KHDRBS2: variants seen among roughly 807,000 people sequenced by gnomAD.
KHDRBS2 encodes KH RNA binding domain containing, signal transduction associated 2.
Under a neutral mutation model 44.3 loss-of-function variants are expected in KHDRBS2, and 26 were observed. The observed-to-expected ratio is 0.59, with a 90% CI of 0.43 to 0.81. The LOEUF (loss-of-function observed/expected upper bound fraction) is 0.81. KHDRBS2 is among the 40% of genes least tolerant of loss of function. The probability of loss-of-function intolerance (pLI) is 0.00; values close to 1 mark genes in which losing one functional copy is unlikely to be tolerated. For missense variants in KHDRBS2, 476 were observed against 433.1 expected (o/e 1.10, Z -0.88); for synonymous variants, 194 against 151.1 (o/e 1.28, Z -2.08).
At chr6:61,682,373 T>G (rs1210294630) in intron 8 of KHDRBS2, among the ~76,000 whole-genome samples, 2 of 151,858 alleles carry the variant, frequency 1.3e-5, no homozygotes, top group Non-Finnish European at 2.9e-5. Flanking sequence ...TTATATCTCT[T>G]TCACTGTTTA....
chr6:61,629,708 A>G, the KHDRBS2 span, among the ~76,000 whole-genome samples: 1 of 152,186 alleles, frequency 6.6e-6, no homozygotes, highest in African/African-American at 2.4e-5. Flanking sequence ...TAATAATACT[A>G]TTGAAAAACT....
At chr6:62,174,008 A>G (rs918675333) in intron 2 of KHDRBS2, among the ~76,000 whole-genome samples, 3 of 151,904 alleles carry the variant, frequency 2.0e-5, no homozygotes, top group Non-Finnish European at 4.4e-5. Context: ...ACAGACAGTG[A>G]CACCCTCTCT....
At chr6:62,013,543 G>A (rs1780679807) in intron 3 of KHDRBS2, among the ~76,000 whole-genome samples, 1 of 151,706 alleles carries the variant, frequency 6.6e-6, no homozygotes, top group Non-Finnish European at 1.5e-5. Flanking sequence ...AATGTGTTTA[G>A]TACAATGTAA....
intron 6 of KHDRBS2, among the ~76,000 whole-genome samples, chr6:61,791,459 A>G (rs1173632164): frequency 6.6e-6 from 1 of 151,492 alleles, no homozygotes. Context: ...ATATTTTTTC[A>G]TAGCCATTTG....
chr6:61,920,300 A>G (rs1807826420), intron 4 of KHDRBS2, among the ~76,000 whole-genome samples: 1 of 151,924 alleles, frequency 6.6e-6, no homozygotes, highest in African/African-American at 2.4e-5. Context: ...TACATATCAT[A>G]AAATAGATCA....
At chr6:61,644,156 C>A in the KHDRBS2 span, among the ~76,000 whole-genome samples, 1 of 152,074 alleles carries the variant, frequency 6.6e-6, no homozygotes, top group Non-Finnish European at 1.5e-5. Flanking sequence ...GGCCACACAC[C>A]TACAACCATC....
the KHDRBS2 span, among the ~76,000 whole-genome samples, chr6:61,640,883 G>A: frequency 6.6e-6 from 1 of 152,094 alleles, no homozygotes; most frequent in Non-Finnish European, 1.5e-5. Flanking sequence ...AGATGAATTG[G>A]TGATTTCAAC....
At chr6:61,848,563 G>GTATATATATACATATATA (rs1562295318) in intron 6 of KHDRBS2, among the ~76,000 whole-genome samples, 7 of 22,172 alleles carry the variant, frequency 3.2e-4, no homozygotes, top group Non-Finnish European at 5.3e-4. Flanking sequence ...ATATATATAT[G>GTATATATATACATATATA]TATATATATA....
At chr6:62,003,273 T>G (rs1193951566) in intron 3 of KHDRBS2, among the ~76,000 whole-genome samples, 1 of 152,078 alleles carries the variant, frequency 6.6e-6, no homozygotes, top group Non-Finnish European at 1.5e-5. Context: ...AGTGAGACCC[T>G]GTCTTTCAAA....
chr6:61,776,887 C>G (rs193244647), intron 6 of KHDRBS2, among the ~76,000 whole-genome samples: 1 of 152,114 alleles, frequency 6.6e-6, no homozygotes, highest in Non-Finnish European at 1.5e-5. Flanking sequence ...TGGATCCAAC[C>G]TAAATGTCCA....
At chr6:61,741,657 G>A (rs1272766686) in intron 6 of KHDRBS2, among the ~76,000 whole-genome samples, 1 of 151,778 alleles carries the variant, frequency 6.6e-6, no homozygotes, top group Non-Finnish European at 1.5e-5. Flanking sequence ...TGCCATTTTT[G>A]TAAGTCAAAA....
chr6:61,960,026 T>C (rs1768287183), intron 4 of KHDRBS2, among the ~76,000 whole-genome samples: 2 of 152,172 alleles, frequency 1.3e-5, no homozygotes, highest in African/African-American at 4.8e-5. Context: ...GTCGATGAAA[T>C]GTAAAGTTTA....
intron 2 of KHDRBS2, among the ~76,000 whole-genome samples, chr6:62,074,386 G>A (rs748362646): frequency 1.3e-5 from 2 of 151,784 alleles, no homozygotes; most frequent in Admixed American, 6.6e-5. Flanking sequence ...CTATGCAAAT[G>A]TTAAAATTTA....
At chr6:61,855,986 G>T (rs1021933835) in intron 6 of KHDRBS2, among the ~76,000 whole-genome samples, 1 of 151,906 alleles carries the variant, frequency 6.6e-6, no homozygotes, top group African/African-American at 2.4e-5. Flanking sequence ...CTCTGCTTTT[G>T]TCATAATAAA....
intron 1 of KHDRBS2, among the ~76,000 whole-genome samples, chr6:62,271,873 A>G (rs1840147067): frequency 1.3e-5 from 2 of 152,202 alleles, no homozygotes; most frequent in Admixed American, 1.3e-4. Context: ...ATAGTTAGCC[A>G]TTAATTTATT....
intron 6 of KHDRBS2, among the ~76,000 whole-genome samples, chr6:61,782,711 A>G (rs747097070): frequency 0.19 from 25,287 of 129,816 alleles, 4,256 homozygotes; most frequent in African/African-American, 0.43. Context: ...ATATATATAT[A>G]TATATATATA....
chr6:62,151,425 T>C (rs1432133090), intron 2 of KHDRBS2, among the ~76,000 whole-genome samples: 2 of 152,186 alleles, frequency 1.3e-5, no homozygotes, highest in Non-Finnish European at 2.9e-5. Flanking sequence ...TTTGAAAATA[T>C]ATTAAACAAT....
At chr6:62,255,167 C>CTG (rs1393544985) in intron 1 of KHDRBS2, among the ~76,000 whole-genome samples, 2 of 151,994 alleles carry the variant, frequency 1.3e-5, no homozygotes, top group Non-Finnish European at 2.9e-5. Flanking sequence ...CCAAAGTCTC[C>CTG]TTAACATCCA....
At chr6:62,266,639 T>C (rs181237102) in intron 1 of KHDRBS2, among the ~76,000 whole-genome samples, 2 of 152,124 alleles carry the variant, frequency 1.3e-5, no homozygotes, top group East Asian at 3.9e-4. Context: ...CAAAGTCTAC[T>C]ATTTCTGGGG....
Sources: gnomAD v4.1 joint callset for allele counts (sites outside exome capture counted in the v4.1 genomes callset) on GRCh38, gnomAD v4.1.1 for gene constraint, MANE v1.5 for transcripts, NCBI Gene and HGNC (gene_info 2026-07-23, HGNC 2026-07-21) for gene names.